Variants in IL15RA observed in about 807,000 individuals in gnomAD.
The protein encoded by IL15RA is interleukin 15 receptor subunit alpha.
IL15RA carries 26 observed loss-of-function variants against 24.2 expected under a neutral mutation model. The observed-to-expected ratio is 1.07, with a 90% CI of 0.79 to 1.49. The LOEUF (loss-of-function observed/expected upper bound fraction) is 1.49, where lower values mean the gene tolerates loss of function less well. IL15RA is among the 40% of genes most tolerant of loss of function. IL15RA has a pLI of 0.00. For synonymous variants in IL15RA, 166 were observed against 157.6 expected, an observed-to-expected ratio of 1.05 and a Z score of -0.40; for missense variants, 354 against 356.4, an observed-to-expected ratio of 0.99 and a Z score of 0.05.
Position 5,960,039 on chromosome 10 carries a change from G to A in IL15RA, c.584-253C>T, listed in dbSNP as rs1202392604. The stretch of plus-strand genomic sequence containing the variant: ...CCTCCATTCCACAGATCCTGGCCCC[G>A]GACTGTAGGCAGCTTCACCACCTCC... On this transcript the variant is annotated intron_variant, in intron 4 of 6. Coordinates refer to ENST00000379977, the MANE Select transcript of IL15RA (RefSeq NM_002189.4). The surrounding 1 kb of genome is among the most constrained non-coding windows in gnomAD (Gnocchi z 5.1). Among the ~76,000 whole-genome samples the A allele has an allele frequency of 3.3e-5, 5 of 152,162 alleles. No homozygotes were observed. The highest frequency in any genetic ancestry group is 6.5e-5 in the Admixed American group (1 of 15,276).
In IL15RA at chr10:5,971,611, A is replaced by G. The variant is rs549397196; in HGVS notation, c.89-5272T>C. ...GCCTGCACGAGCTAAGGGTGGTAGG[A>G]TTCAGAGATGTGTCAGATATGGTTC... On this transcript the variant is annotated intron_variant, in intron 1 of 6. Coordinates refer to ENST00000379977, the MANE Select transcript of IL15RA (RefSeq NM_002189.4). The surrounding 1 kb of genome is among the most constrained non-coding windows in gnomAD (Gnocchi z 5.5). 3.5e-4 allele frequency among the ~76,000 whole-genome samples: 53 copies of G among 152,328 alleles called. No homozygotes were observed. The highest frequency in any genetic ancestry group is 1.2e-3 in the African/African-American group (48 of 41,576).
intron 5 of IL15RA, 53 bp from the exon 6 acceptor site, chr10:5,956,507 A>C (rs1291127275): frequency 2.2e-6 from 3 of 1,347,242 alleles, no homozygotes; most frequent in Non-Finnish European, 3.2e-6. Context: ...CATTGCTACG[A>C]ACCACAAATT....
At position 5,958,424 on chromosome 10, in the gene IL15RA, T is replaced by C. The variant is rs934020331; in HGVS notation, c.616+1330A>G. The C allele has an allele frequency of 2.6e-6, 1 of 382,342 alleles. No individual in the cohort carries two copies. Among genetic ancestry groups the C allele is most frequent in the African/African-American group, 2.1e-5 (1 of 48,162 alleles). 23.7% of individuals were successfully genotyped at this position (382,342 alleles called of 1,614,324 possible). A position where few individuals can be genotyped will look rare whatever the true frequency, so the allele number is the denominator to read the frequency against. ...TTTTTGAGACAGGGTCCTGTCCTGT[T>C]GCCCAGGCCAGAGTGCAGTGGTGTG... On this transcript the variant is annotated intron_variant, in intron 5 of 6. Transcript: ENST00000379977. The surrounding 1 kb of genome is among the most constrained non-coding windows in gnomAD (Gnocchi z 4.3).
chr10:5,962,283 G>A lies in IL15RA; in HGVS notation c.382+1460C>T, dbSNP rs1296538180. Reference sequence around the variant, plus strand: ...TTCCTCCCTTAAGATGCAGGCCTCAGCCTTGGCCACTTAAGAACCACCTGT... The same window carrying A: ...TTCCTCCCTTAAGATGCAGGCCTCAACCTTGGCCACTTAAGAACCACCTGT... On this transcript the variant is annotated intron_variant, in intron 3 of 6. Transcript: ENST00000379977. This position sits in a 1 kb window ranked among gnomAD's most constrained non-coding sequence, Gnocchi z 5.2. Among the ~76,000 whole-genome samples, 1 of 152,148 alleles carries A rather than the reference G, an allele frequency of 6.6e-6. No homozygotes were observed. The highest frequency in any genetic ancestry group is 1.5e-5 in the Non-Finnish European group (1 of 68,026).
At position 5,955,101 on chromosome 10, in the gene IL15RA, ATTT is replaced by A. The variant is rs59892494; in HGVS notation, c.692+1275_692+1277del. 6.9e-6 allele frequency among the ~76,000 whole-genome samples: 1 copy of A among 144,180 alleles called. No homozygotes were observed. Among genetic ancestry groups the A allele is most frequent in the Admixed American group, 7.0e-5 (1 of 14,332 alleles). The allele number at this position is 144,180 out of a possible 152,430, so 94.6% of individuals were successfully genotyped here. On this transcript the variant is annotated intron_variant, in intron 6 of 6. Coordinates refer to ENST00000379977, the MANE Select transcript of IL15RA (RefSeq NM_002189.4). The surrounding 1 kb of genome is among the most constrained non-coding windows in gnomAD (Gnocchi z 5.3). ...AAAATTAGGCTCAAAGGGTCACATA[ATTT>A]TTTTTTTTTTTTGAGATGGAGTTTT... is the stretch of plus-strand genomic sequence containing the variant.
rs565636221 is a variant in IL15RA at position 5,967,837 on chromosome 10, T to A, written c.89-1498A>T. Among the ~76,000 whole-genome samples the A allele has an allele frequency of 9.9e-5, 15 of 152,266 alleles. No homozygotes were observed. The highest frequency in any genetic ancestry group is 7.7e-4 in the East Asian group (4 of 5,178). On this transcript the variant is annotated intron_variant, in intron 1 of 6. Transcript: ENST00000379977. This position sits in a 1 kb window ranked among gnomAD's most constrained non-coding sequence, Gnocchi z 4.4. ...ACTTTGGGAGGCTGAGGCAGGCGAA[T>A]CACCTGAGGTCAGGAGTTCAGGACC...
At chr10:5,972,463 G>A (rs1362963715) in intron 1 of IL15RA, among the ~76,000 whole-genome samples, 4 of 152,106 alleles carry the variant, frequency 2.6e-5, no homozygotes, top group African/African-American at 9.7e-5. Context: ...ACAAGCTTTC[G>A]TAAAGTCATG....
chr10:5,968,351 T>C lies in IL15RA; in HGVS notation c.89-2012A>G, dbSNP rs1011673966. On this transcript the variant is annotated intron_variant, in intron 1 of 6. Coordinates refer to ENST00000379977, the MANE Select transcript of IL15RA (RefSeq NM_002189.4). The surrounding 1 kb of genome is among the most constrained non-coding windows in gnomAD (Gnocchi z 5.4). ...TGTACCAGGCAGGCTGGGGGCAGGG[T>C]GGGAGGGGAGAAATCTCAAATTCAA... Among the ~76,000 whole-genome samples, 1 of 138,518 alleles carries C rather than the reference T, an allele frequency of 7.2e-6. No homozygotes were observed. Among genetic ancestry groups the C allele is most frequent in the African/African-American group, 2.6e-5 (1 of 37,824 alleles). 90.9% of individuals were successfully genotyped at this position (138,518 alleles called of 152,430 possible). A position where few individuals can be genotyped will look rare whatever the true frequency, so the allele number is the denominator to read the frequency against.
Position 5,961,447 on chromosome 10 carries a change from A to G in IL15RA, c.383-880T>C, listed in dbSNP as rs1442936431. On this transcript the variant is annotated intron_variant, in intron 3 of 6. Coordinates refer to ENST00000379977, the MANE Select transcript of IL15RA (RefSeq NM_002189.4). This position sits in a 1 kb window ranked among gnomAD's most constrained non-coding sequence, Gnocchi z 5.2. ...GGGAAGAAAAGAAAAGGTGTCAAAGATCTGAGTCGTTCAGCTTGTTTACTA... is the reference window on the plus strand; with the variant it reads ...GGGAAGAAAAGAAAAGGTGTCAAAGGTCTGAGTCGTTCAGCTTGTTTACTA... Among the ~76,000 whole-genome samples the G allele has an allele frequency of 6.6e-6, 1 of 151,060 alleles. No individual in the cohort carries two copies. Among genetic ancestry groups the G allele is most frequent in the Non-Finnish European group, 1.5e-5 (1 of 67,756 alleles).
At chr10:5,974,436 C>A (rs7086174) in intron 1 of IL15RA, among the ~76,000 whole-genome samples, 47,706 of 152,128 alleles carry the variant, frequency 0.31, 7,711 homozygotes, top group African/African-American at 0.35. Flanking sequence ...AGACCCCCTA[C>A]ATACCTAGTA....
chr10:5,958,702 C>T lies in IL15RA; in HGVS notation c.616+1052G>A, dbSNP rs553666359. ...TCGCCCAGCCTGATTGTTTTTTAAA[C>T]GATTCTAATCAATTAACTGCTAAAA... On this transcript the variant is annotated intron_variant, in intron 5 of 6. Coordinates refer to ENST00000379977, the MANE Select transcript of IL15RA (RefSeq NM_002189.4). This position sits in a 1 kb window ranked among gnomAD's most constrained non-coding sequence, Gnocchi z 4.3. 2.0e-5 allele frequency among the ~76,000 whole-genome samples: 3 copies of T among 152,098 alleles called. No homozygotes were observed. The highest frequency in any genetic ancestry group is 2.9e-5 in the Non-Finnish European group (2 of 67,968).
At chr10:5,956,507 A>G in intron 5 of IL15RA, 53 bp from the exon 6 acceptor site, 1 of 1,347,360 alleles carries the variant, frequency 7.4e-7, no homozygotes, top group Admixed American at 1.7e-5. Flanking sequence ...CATTGCTACG[A>G]ACCACAAATT....
At chr10:5,978,683 G>T (rs545057371), upstream of IL15RA, among the ~76,000 whole-genome samples, 2 of 152,316 alleles carry the variant, frequency 1.3e-5, no homozygotes, top group African/African-American at 4.8e-5. This position sits in a 1 kb window ranked among gnomAD's most constrained non-coding sequence, Gnocchi z 5.2. Flanking sequence ...ATCGCCTGAA[G>T]TCAGGAATTC....
Position 5,977,449 on chromosome 10 carries a change from G to T in IL15RA, c.44C>A (p.Pro15Gln). The change falls in exon 1 of 7, where the codon CCG (proline) becomes CAG (glutamine). Residue 15 changes from proline to glutamine, a missense_variant. Pro to Gln is a moderately conservative substitution (Grantham distance 76). Coordinates refer to ENST00000379977, the MANE Select transcript of IL15RA (RefSeq NM_002189.4). ...RARGCRTLGLPALLLLLLLRP... is the reference protein window; with the variant it reads ...RARGCRTLGLQALLLLLLLRP... ...GAGCAGCAGCAGCAGTAGCAGCGCC[G>T]GGAGACCGAGGGTCCGGCAGCCGCG... The T allele has an allele frequency of 7.3e-7, 1 of 1,366,674 alleles. No homozygotes were observed. The highest frequency in any genetic ancestry group is 1.7e-5 in the South Asian group (1 of 58,494). The allele number at this position is 1,366,674 out of a possible 1,614,324, so 84.7% of individuals were successfully genotyped here. A position where few individuals can be genotyped will look rare whatever the true frequency, so the allele number is the denominator to read the frequency against.
At chr10:5,977,798 C>G, upstream of IL15RA, 1 of 459,120 alleles carries the variant, frequency 2.2e-6, no homozygotes, top group East Asian at 3.6e-5. Flanking sequence ...CGGGAGCCTC[C>G]CGGTCCTCCG....
Position 5,955,088 on chromosome 10 carries a change from A to G in IL15RA, c.692+1291T>C, listed in dbSNP as rs913765125. Among the ~76,000 whole-genome samples, 1 of 151,484 alleles carries G rather than the reference A, an allele frequency of 6.6e-6. No homozygotes were observed. The highest frequency in any genetic ancestry group is 2.4e-5 in the African/African-American group (1 of 40,956). On this transcript the variant is annotated intron_variant, in intron 6 of 6. Transcript: ENST00000379977. This position sits in a 1 kb window ranked among gnomAD's most constrained non-coding sequence, Gnocchi z 5.3. ...TGTGCATTTTGTCAAAATTAGGCTC[A>G]AAGGGTCACATAATTTTTTTTTTTT...
At position 5,962,196 on chromosome 10, in the gene IL15RA, C is replaced by T. The variant is rs1835695974; in HGVS notation, c.382+1547G>A. On this transcript the variant is annotated intron_variant, in intron 3 of 6. Coordinates refer to ENST00000379977, the MANE Select transcript of IL15RA (RefSeq NM_002189.4). This position sits in a 1 kb window ranked among gnomAD's most constrained non-coding sequence, Gnocchi z 5.2. ...TACTTCAAGTTTAAATGGAGCCAGC[C>T]CCTCAACCCCTTCCTCCCTGTGCAG... Among the ~76,000 whole-genome samples, 1 of 152,164 alleles carries T rather than the reference C, an allele frequency of 6.6e-6. No homozygotes were observed. The highest frequency in any genetic ancestry group is 1.5e-5 in the Non-Finnish European group (1 of 68,032).
Position 5,966,107 on chromosome 10 carries a change from G to C in IL15RA, c.283+38C>G, listed in dbSNP as rs377753616. On this transcript the variant is annotated intron_variant, in intron 2 of 6. Coordinates refer to ENST00000379977, the MANE Select transcript of IL15RA (RefSeq NM_002189.4). The surrounding 1 kb of genome is among the most constrained non-coding windows in gnomAD (Gnocchi z 6.4). Reference sequence around the variant, plus strand: ...TCTCTCTGTGCAGCCTTGGCAGGGTGGGGGAGGGAGGAAGGTGGGGTGGCA... The same window carrying C: ...TCTCTCTGTGCAGCCTTGGCAGGGTCGGGGAGGGAGGAAGGTGGGGTGGCA... 1.1e-4 allele frequency: 149 copies of C among 1,417,166 alleles called. No individual in the cohort carries two copies. The highest frequency in any genetic ancestry group is 1.4e-4 in the Non-Finnish European group (143 of 1,007,332). 87.8% of individuals were successfully genotyped at this position (1,417,166 alleles called of 1,614,324 possible).
Position 5,977,476 on chromosome 10 carries a change from G to T in IL15RA, c.17C>A (p.Ala6Glu). Residue 6 changes from alanine (A) to glutamate (E), a missense_variant, in exon 1 of 7, where the codon GCG becomes GAG. Physicochemically the swap from Ala to Glu is moderately radical, Grantham distance 107 (BLOSUM62 -1). Transcript: ENST00000379977. ...GAGACCGAGGGTCCGGCAGCCGCGC[G>T]CCCGCCGCGGGGCCATGGCGGCAGC... MAPRR[A>E]RGCRTLGLPA... 1.5e-6 allele frequency: 2 copies of T among 1,356,078 alleles called. No individual in the cohort carries two copies. Among genetic ancestry groups the T allele is most frequent in the East Asian group, 3.1e-5 (1 of 32,360 alleles). 84.0% of individuals were successfully genotyped at this position (1,356,078 alleles called of 1,614,324 possible). A position where few individuals can be genotyped will look rare whatever the true frequency, so the allele number is the denominator to read the frequency against.
Sources: gnomAD v4.1 joint callset for allele counts (sites outside exome capture counted in the v4.1 genomes callset) on GRCh38, gnomAD v4.1.1 for gene constraint, Gnocchi (gnomAD v3.1) non-coding constraint, MANE v1.5 for transcripts, NCBI Gene and HGNC (gene_info 2026-07-23, HGNC 2026-07-21) for gene names.